The following SUZ12 variants were observed in gnomAD, a reference collection of about 807,000 sequenced individuals.
SUZ12 encodes polycomb protein SUZ12.
In SUZ12, 17 loss-of-function variants were observed where a neutral mutation model predicts 87.3. The observed-to-expected ratio is 0.19, with a 90% CI of 0.13 to 0.29. The LOEUF is 0.29. SUZ12 is among the 10% of genes least tolerant of loss of function. The probability of loss-of-function intolerance (pLI) is 1.00; values close to 1 mark genes in which losing one functional copy is unlikely to be tolerated. For missense variants in SUZ12, 526 were observed against 912.2 expected (o/e 0.58, Z 5.45); for synonymous variants, 253 against 312.4 (o/e 0.81, Z 2.01).
intron 10 of SUZ12, among the ~76,000 whole-genome samples, chr17:31,990,148 G>GTTTTTTTTTTTT (rs1567836883): frequency 7.9e-6 from 1 of 127,042 alleles, no homozygotes; most frequent in African/African-American, 3.1e-5. Flanking sequence ...TTTTTTTTTG[G>GTTTTTTTTTTTT]ATTTTTAGTA....
intron 9 of SUZ12, among the ~76,000 whole-genome samples, chr17:31,985,901 T>C (rs111574274): frequency 0.11 from 16,231 of 152,110 alleles, 1,061 homozygotes; most frequent in Middle Eastern, 0.15. Context: ...GACCTTGTGA[T>C]CCACCCGCCT....
Position 31,988,476 on chromosome 17 carries a change from G to C in SUZ12, c.1180G>C (p.Val394Leu), listed in dbSNP as rs1444822034. 1 of 1,601,990 alleles carries C rather than the reference G, an allele frequency of 6.2e-7. No homozygotes were observed. The highest frequency in any genetic ancestry group is 8.5e-7 in the Non-Finnish European group (1 of 1,176,972). Reference protein sequence around the residue: ...SLHQENKPGSVKPTQTIAVKE... With the variant: ...SLHQENKPGSLKPTQTIAVKE... ...CCATCAGGAAAACAAGCCTGGTTCA[G>C]TTAAACCTACTCAAACTATTGGTAA... The change falls in exon 10 of 16, where the codon GTT becomes CTT. Residue 394 changes from valine (V) to leucine (L), a missense_variant. By Grantham distance (32) the Val-to-Leu change is conservative (BLOSUM62 1). This residue lies in a region of SUZ12 where 85 missense variants were observed against 87.4 expected (regional missense o/e 0.97). Coordinates refer to ENST00000322652, the MANE Select transcript of SUZ12 (RefSeq NM_015355.4).
At chr17:31,953,512 A>G (rs1358539217) in intron 4 of SUZ12, among the ~76,000 whole-genome samples, 3 of 151,906 alleles carry the variant, frequency 2.0e-5, no homozygotes, top group Non-Finnish European at 2.9e-5. Context: ...GACTAAAGGG[A>G]TCCTCCTGCC....
chr17:31,937,053 C>A lies in SUZ12; in HGVS notation c.-194C>A, dbSNP rs1481944613. ...GAGCGGCCTCCGAAGCGGAGCGGGGCTCTGAGGAGACACTTTTTTTTTCCT... is the reference window on the plus strand; with the variant it reads ...GAGCGGCCTCCGAAGCGGAGCGGGGATCTGAGGAGACACTTTTTTTTTCCT... On this transcript the variant is annotated 5_prime_UTR_variant, in exon 1 of 16. Coordinates refer to ENST00000322652, the MANE Select transcript of SUZ12 (RefSeq NM_015355.4). 8.4e-6 allele frequency: 4 copies of A among 476,388 alleles called. No individual in the cohort carries two copies. Among genetic ancestry groups the A allele is most frequent in the African/African-American group, 6.1e-5 (3 of 49,078 alleles). 29.5% of individuals were successfully genotyped at this position (476,388 alleles called of 1,614,324 possible). A position where few individuals can be genotyped will look rare whatever the true frequency, so the allele number is the denominator to read the frequency against.
At chr17:31,963,059 G>A (rs1216427416) in intron 4 of SUZ12, among the ~76,000 whole-genome samples, 2 of 152,220 alleles carry the variant, frequency 1.3e-5, no homozygotes, top group Admixed American at 1.3e-4. Context: ...AAAATAGCAC[G>A]TAGAAATCTG....
At chr17:31,969,339 G>C (rs1018319863) in intron 5 of SUZ12, among the ~76,000 whole-genome samples, 1 of 152,054 alleles carries the variant, frequency 6.6e-6, no homozygotes, top group Non-Finnish European at 1.5e-5. Flanking sequence ...TAGAGATGGG[G>C]TTTCTCCACG....
intron 10 of SUZ12, among the ~76,000 whole-genome samples, chr17:31,989,249 T>C (rs1909573921): frequency 6.6e-6 from 1 of 152,014 alleles, no homozygotes; most frequent in African/African-American, 2.4e-5. Flanking sequence ...TTCAGAATAT[T>C]ATCTGGCTTA....
At chr17:31,996,264 A>C (rs1215422604) in intron 14 of SUZ12, among the ~76,000 whole-genome samples, 4 of 152,140 alleles carry the variant, frequency 2.6e-5, no homozygotes, top group African/African-American at 9.7e-5. Context: ...CTTCAAGTAA[A>C]TTTGTATTGT....
At chr17:31,986,143 T>C (rs1909405905) in intron 9 of SUZ12, among the ~76,000 whole-genome samples, 1 of 152,158 alleles carries the variant, frequency 6.6e-6, no homozygotes, top group Admixed American at 6.5e-5. Flanking sequence ...GGTTTCACCA[T>C]GTTGTCTTGG....
chr17:31,968,439 C>T (rs150815456), intron 5 of SUZ12, among the ~76,000 whole-genome samples: 207 of 152,116 alleles, frequency 1.4e-3, no homozygotes, highest in African/African-American at 4.6e-3. Context: ...ACTACATTTC[C>T]CAGGCTGGTC....
chr17:31,967,881 A>G (rs897312227), intron 5 of SUZ12, among the ~76,000 whole-genome samples: 1 of 152,136 alleles, frequency 6.6e-6, no homozygotes, highest in African/African-American at 2.4e-5. Context: ...AATCCCAAAT[A>G]TTAGACTGGG....
chr17:31,953,116 T>A (rs760270298), intron 4 of SUZ12, among the ~76,000 whole-genome samples: 12 of 152,136 alleles, frequency 7.9e-5, no homozygotes, highest in Non-Finnish European at 1.2e-4. Context: ...CATATATTTT[T>A]ATTTTTTGAG....
At chr17:31,938,617 TC>T (rs1441654045) in intron 1 of SUZ12, among the ~76,000 whole-genome samples, 1 of 152,222 alleles carries the variant, frequency 6.6e-6, no homozygotes, top group African/African-American at 2.4e-5. Flanking sequence ...TTCACGTATT[TC>T]TTAGTATACT....
chr17:31,947,741 T>G, intron 4 of SUZ12, 56 bp downstream of exon 4: 1 of 1,520,186 alleles, frequency 6.6e-7, no homozygotes, highest in South Asian at 1.2e-5. Context: ...GAGGAAAAAT[T>G]ACAGTGATCA....
intron 8 of SUZ12, among the ~76,000 whole-genome samples, chr17:31,982,295 TTAAAGG>T (rs1406841716): frequency 2.0e-5 from 3 of 152,032 alleles, no homozygotes; most frequent in African/African-American, 7.3e-5. Context: ...ATTACAGTAG[TTAAAGG>T]TAACAGAATT....
chr17:31,947,523 G>A, intron 3 of SUZ12, 94 bp from the exon 4 acceptor site: 3 of 1,423,212 alleles, frequency 2.1e-6, no homozygotes, highest in Non-Finnish European at 2.8e-6. Flanking sequence ...ATCAAAATCT[G>A]GTTTCCATCT....
intron 4 of SUZ12, among the ~76,000 whole-genome samples, chr17:31,954,224 G>T (rs1343532936): frequency 6.6e-6 from 1 of 151,522 alleles, no homozygotes; most frequent in Non-Finnish European, 1.5e-5. Flanking sequence ...CACCACGCCC[G>T]GTTAACTTTT....
At chr17:31,941,774 C>T (rs944911620) in intron 3 of SUZ12, among the ~76,000 whole-genome samples, 4 of 152,024 alleles carry the variant, frequency 2.6e-5, no homozygotes, top group African/African-American at 9.7e-5. Context: ...TGGTCTCGAT[C>T]TCCTGACGTC....
In SUZ12 at chr17:31,937,377, G is replaced by T; in HGVS notation, c.131G>T (p.Gly44Val). ...ATASGGKSGGGSCGGGGSYSA... is the reference protein window; with the variant it reads ...ATASGGKSGGVSCGGGGSYSA... ...GCTTCGGGCGGCAAATCCGGCGGCG[G>T]GAGCTGTGGAGGGGGTGGCAGTTAC... Residue 44 changes from glycine to valine, a missense_variant, in exon 1 of 16, where the codon GGG (glycine) becomes GTG (valine). Physicochemically the swap from Gly to Val is moderately radical, Grantham distance 109. This residue lies in a region of SUZ12 where 92 missense variants were observed against 109.9 expected (regional missense o/e 0.84). Transcript: ENST00000322652. 1 of 1,508,482 alleles carries T rather than the reference G, an allele frequency of 6.6e-7. No homozygotes were observed. Among genetic ancestry groups the T allele is most frequent in the Non-Finnish European group, 8.8e-7 (1 of 1,130,710 alleles). 93.4% of individuals were successfully genotyped at this position (1,508,482 alleles called of 1,614,324 possible). A position where few individuals can be genotyped will look rare whatever the true frequency, so the allele number is the denominator to read the frequency against.
Sources: allele counts gnomAD v4.1 joint callset (sites outside exome capture counted in the v4.1 genomes callset), GRCh38; gene constraint gnomAD v4.1.1; regional missense constraint gnomAD v4.1.1; transcripts MANE v1.5; gene names NCBI Gene and HGNC (gene_info 2026-07-23, HGNC 2026-07-21).